The following ACTR8 variants were observed in gnomAD, a reference collection of about 807,000 sequenced individuals.
ACTR8 encodes the protein actin related protein 8.
In ACTR8, 70 loss-of-function variants were observed where a neutral mutation model predicts 84.3. The observed-to-expected ratio is 0.83, with a 90% CI of 0.68 to 1.01. The LOEUF is 1.01. Ranked by LOEUF, ACTR8 falls within the 50% of genes least tolerant of loss-of-function variation. The probability of loss-of-function intolerance (pLI) is 0.00; values close to 1 mark genes in which losing one functional copy is unlikely to be tolerated. For missense variants in ACTR8, 672 were observed against 775.4 expected (o/e 0.87, Z 1.58); for synonymous variants, 268 against 275.2 (o/e 0.97, Z 0.26).
chr3:53,863,031 CCTTT>C (rs1246096919), downstream of ACTR8, among the ~76,000 whole-genome samples: 2 of 152,156 alleles, frequency 1.3e-5, no homozygotes, highest in Non-Finnish European at 2.9e-5. Context: ...AGAATAAAGA[CCTTT>C]CTGATGGTCC....
At chr3:53,877,147 G>T in intron 5 of ACTR8, 67 bp downstream of exon 5, 2 of 1,444,120 alleles carry the variant, frequency 1.4e-6, no homozygotes, top group Non-Finnish European at 1.9e-6. Flanking sequence ...CAAACAACTC[G>T]GTAACGTGTA....
chr3:53,879,456 T>C (rs1360037783), intron 2 of ACTR8, among the ~76,000 whole-genome samples: 1 of 152,150 alleles, frequency 6.6e-6, no homozygotes, highest in Non-Finnish European at 1.5e-5. Flanking sequence ...ATCTGCAACA[T>C]AGGATAAAGT....
downstream of ACTR8, among the ~76,000 whole-genome samples, chr3:53,863,738 CA>C (rs914790751): frequency 6.6e-6 from 1 of 152,008 alleles, no homozygotes; most frequent in African/African-American, 2.4e-5. Context: ...TGACCCGACT[CA>C]AAATGTGAAG....
Position 53,868,725 on chromosome 3 carries a change from C to T in ACTR8, c.1869G>A (p.Val623=), listed in dbSNP as rs752272820. ...VRMLRERAAF[V]W is the part of the protein sequence containing the mutation. ...AGTGACATTTCCTCCCCATTCACCA[C>T]ACAAACGCAGCCCGCTCTCGTAACA... Residue 623 remains valine (V), a synonymous_variant, in exon 13 of 13, where the codon GTG becomes GTA. Coordinates refer to ENST00000335754, the MANE Select transcript of ACTR8 (RefSeq NM_022899.5). 2.4e-5 allele frequency: 38 copies of T among 1,613,982 alleles called. No homozygotes were observed. The Middle Eastern group carries it at 5.0e-4, about 21-fold the overall frequency.
Position 53,876,544 on chromosome 3 carries a change from A to G in ACTR8, c.778+76T>C, listed in dbSNP as rs187284532. ...AAATAAATAAATAAATAAATAAGTC[A>G]GTAAATAAGATTAACTCTGTCATTA... On this transcript the variant is annotated intron_variant, in intron 6 of 12. Coordinates refer to ENST00000335754, the MANE Select transcript of ACTR8 (RefSeq NM_022899.5). 540 of 828,030 alleles carry G rather than the reference A, an allele frequency of 6.5e-4. 7 individuals carry two copies. In the East Asian group the frequency reaches 0.014, roughly 21 times the overall value. 51.3% of individuals were successfully genotyped at this position (828,030 alleles called of 1,614,324 possible). A position where few individuals can be genotyped will look rare whatever the true frequency, so the allele number is the denominator to read the frequency against.
intron 9 of ACTR8, among the ~76,000 whole-genome samples, 182 bp from the exon 10 acceptor site, chr3:53,872,706 C>T (rs781277090): frequency 6.6e-6 from 1 of 152,210 alleles, no homozygotes; most frequent in African/African-American, 2.4e-5. Flanking sequence ...AAAACTCACT[C>T]ATCATCCAAC....
downstream of ACTR8, among the ~76,000 whole-genome samples, chr3:53,863,905 C>T (rs757683732): frequency 2.3e-4 from 35 of 151,344 alleles, no homozygotes; most frequent in Non-Finnish European, 4.3e-4. Flanking sequence ...TCACTGCAAC[C>T]TCTGCCTCCT....
chr3:53,865,299 C>T, downstream of ACTR8: 1 of 1,602,580 alleles, frequency 6.2e-7, no homozygotes, highest in Non-Finnish European at 8.5e-7. Flanking sequence ...ATGGCTGCTG[C>T]TCCTTGTAGC....
At chr3:53,865,353 C>G, downstream of ACTR8, 1 of 1,457,484 alleles carries the variant, frequency 6.9e-7, no homozygotes. Context: ...CCTATCCCAC[C>G]AATTACAGGG....
Position 53,869,521 on chromosome 3 carries a change from A to G in ACTR8, c.1731+461T>C, listed in dbSNP as rs530896181. 7.2e-5 allele frequency among the ~76,000 whole-genome samples: 11 copies of G among 152,356 alleles called. No individual in the cohort carries two copies. The South Asian group carries it at 2.3e-3, about 32-fold the overall frequency. The stretch of plus-strand genomic sequence containing the variant: ...AAAAGAAATAGGAACATTTCCAGGA[A>G]TTGTCAGTGAGATTTAATAAAACAC... On this transcript the variant is annotated intron_variant, in intron 12 of 12. Transcript: ENST00000335754.
chr3:53,865,175 C>T (rs1699740664), downstream of ACTR8: 2 of 1,614,034 alleles, frequency 1.2e-6, no homozygotes, highest in Non-Finnish European at 1.7e-6. Context: ...GATTACAATG[C>T]TCTCAGTGTC....
At chr3:53,877,588 A>C (rs1163647033) in intron 4 of ACTR8, 59 bp downstream of exon 4, 1 of 1,552,702 alleles carries the variant, frequency 6.4e-7, no homozygotes, top group Non-Finnish European at 8.9e-7. Context: ...AACGTAAATG[A>C]ATTTTAGGAG....
downstream of ACTR8, among the ~76,000 whole-genome samples, chr3:53,866,582 C>T (rs562483802): frequency 1.9e-4 from 29 of 152,002 alleles, no homozygotes; most frequent in Non-Finnish European, 2.4e-4. Context: ...TCCGGGTTCA[C>T]GCCATTCTCC....
chr3:53,874,561 T>TA (rs1264663330), intron 7 of ACTR8, among the ~76,000 whole-genome samples, 197 bp from the exon 8 acceptor site: 2 of 151,924 alleles, frequency 1.3e-5, no homozygotes, highest in African/African-American at 4.8e-5. Flanking sequence ...CTGTCTCTAC[T>TA]AAAAATACAA....
chr3:53,863,575 C>T (rs1200766840), downstream of ACTR8, among the ~76,000 whole-genome samples: 2 of 152,148 alleles, frequency 1.3e-5, no homozygotes, highest in African/African-American at 2.4e-5. Flanking sequence ...GTATTCGTTA[C>T]AGTAGTTTCA....
At position 53,880,404 on chromosome 3, in the gene ACTR8, G is replaced by A. The variant is rs556603332; in HGVS notation, c.124-295C>T. Among the ~76,000 whole-genome samples the A allele has an allele frequency of 4.3e-4, 66 of 152,290 alleles. 1 individual carries two copies. The South Asian group carries it at 6.4e-3, about 15-fold the overall frequency. On this transcript the variant is annotated intron_variant, in intron 1 of 12. Coordinates refer to ENST00000335754, the MANE Select transcript of ACTR8 (RefSeq NM_022899.5). ...ACAGTTATTGAGCATTTATGTGACT[G>A]AAGAAATGTTGCTATAGAATCCGGG...
At chr3:53,863,059 G>A (rs1460950594), downstream of ACTR8, among the ~76,000 whole-genome samples, 1 of 152,046 alleles carries the variant, frequency 6.6e-6, no homozygotes, top group Non-Finnish European at 1.5e-5. Context: ...TCCATTTAAT[G>A]AATTAGTAAA....
At chr3:53,863,434 A>G (rs530842106), downstream of ACTR8, among the ~76,000 whole-genome samples, 1 of 152,364 alleles carries the variant, frequency 6.6e-6, no homozygotes, top group East Asian at 1.9e-4. Flanking sequence ...AGGAAAGGAA[A>G]TACAAATGCA....
chr3:53,877,527 G>T, intron 4 of ACTR8, 120 bp downstream of exon 4: 1 of 1,291,244 alleles, frequency 7.7e-7, no homozygotes, highest in Non-Finnish European at 1.1e-6. Flanking sequence ...TGACTATCTG[G>T]TACTCAAAGC....
Sources: gnomAD v4.1 joint callset for allele counts (sites outside exome capture counted in the v4.1 genomes callset) on GRCh38, gnomAD v4.1.1 for gene constraint, MANE v1.5 for transcripts, NCBI Gene and HGNC (gene_info 2026-07-23, HGNC 2026-07-21) for gene names.